Variants in TMEFF1 observed in about 807,000 individuals in gnomAD.
TMEFF1 encodes the protein tomoregulin-1.
A neutral mutation model predicts 47.5 loss-of-function variants in TMEFF1; 20 were observed. The observed-to-expected ratio is 0.42, with a 90% CI of 0.30 to 0.61. The LOEUF (loss-of-function observed/expected upper bound fraction) is 0.61, where lower values mean the gene tolerates loss of function less well. Among genes scored for constraint, TMEFF1 ranks in the 20% least tolerant of loss-of-function variants. The probability of loss-of-function intolerance (pLI) is 0.19; values close to 1 mark genes in which losing one functional copy is unlikely to be tolerated. For missense variants in TMEFF1, 411 were observed against 471.1 expected (o/e 0.87, Z 1.18); for synonymous variants, 162 against 166.3 (o/e 0.97, Z 0.20).
At chr9:100,550,071 T>C (rs776181872) in intron 6 of TMEFF1, 24 bp from the exon 7 acceptor site, 4 of 1,598,606 alleles carry the variant, frequency 2.5e-6, no homozygotes, top group Non-Finnish European at 3.4e-6. Flanking sequence ...TATATTTTAA[T>C]TTGAAAACCG....
At chr9:100,474,802 C>T (rs1032534504) in intron 1 of TMEFF1, among the ~76,000 whole-genome samples, 1 of 152,090 alleles carries the variant, frequency 6.6e-6, no homozygotes, top group Non-Finnish European at 1.5e-5. Flanking sequence ...GCTTGCCCCC[C>T]CACAGCTGTT....
At chr9:100,524,843 C>A (rs1489412451) in intron 5 of TMEFF1, among the ~76,000 whole-genome samples, 1 of 152,098 alleles carries the variant, frequency 6.6e-6, no homozygotes, top group Non-Finnish European at 1.5e-5. Flanking sequence ...CTGCACCCAT[C>A]AACTTGTCAT....
rs888313480 is a variant in TMEFF1 at position 100,539,834 on chromosome 9, G to A, written c.561-7910G>A. On this transcript the variant is annotated intron_variant, in intron 5 of 9. Coordinates refer to ENST00000374879, the MANE Select transcript of TMEFF1 (RefSeq NM_003692.5). ...CATTTTACAGAGAGCTGATTGGTCC[G>A]TTTTACAGGGGGCTGATTGGTCCAT... 6.6e-5 allele frequency among the ~76,000 whole-genome samples: 10 copies of A among 152,250 alleles called. No individual in the cohort carries two copies. The East Asian group carries it at 7.7e-4, about 12-fold the overall frequency.
intron 7 of TMEFF1, among the ~76,000 whole-genome samples, chr9:100,555,316 C>T (rs1838897524): frequency 6.6e-6 from 1 of 152,200 alleles, no homozygotes; most frequent in African/African-American, 2.4e-5. Context: ...TTACTGTGTG[C>T]AGGTGACATC....
At chr9:100,516,514 A>G (rs1036835738) in intron 4 of TMEFF1, among the ~76,000 whole-genome samples, 161 bp from the exon 5 acceptor site, 1 of 152,220 alleles carries the variant, frequency 6.6e-6, no homozygotes, top group Non-Finnish European at 1.5e-5. Context: ...AGTACTGGCA[A>G]CATTTTTGAA....
intron 9 of TMEFF1, 42 bp from the exon 10 acceptor site, chr9:100,576,474 T>C (rs1325040429): frequency 6.2e-7 from 1 of 1,600,216 alleles, no homozygotes; most frequent in Admixed American, 1.8e-5. Context: ...AACAAAATCA[T>C]CAAAACAATA....
chr9:100,505,681 A>C (rs140271991), intron 2 of TMEFF1, among the ~76,000 whole-genome samples: 155 of 152,260 alleles, frequency 1.0e-3, no homozygotes, highest in African/African-American at 3.4e-3. Flanking sequence ...CATCCTTGGA[A>C]TCTATCTGGT....
At chr9:100,550,570 T>G (rs1449061976) in intron 7 of TMEFF1, among the ~76,000 whole-genome samples, 3 of 152,236 alleles carry the variant, frequency 2.0e-5, no homozygotes, top group Non-Finnish European at 2.9e-5. Flanking sequence ...CTTCTTATCC[T>G]TTTAATCTTA....
rs72735133 is a variant in TMEFF1 at position 100,481,120 on chromosome 9, T to C, written c.196+7380T>C. On this transcript the variant is annotated intron_variant, in intron 1 of 9. Coordinates refer to ENST00000374879, the MANE Select transcript of TMEFF1 (RefSeq NM_003692.5). Reference sequence around the variant, plus strand: ...ATGTCACCTTCAGTGGTGCCTTAAATTACAGCCTTCTCCACCTTCCATCCA... The same window carrying C: ...ATGTCACCTTCAGTGGTGCCTTAAACTACAGCCTTCTCCACCTTCCATCCA... Among the ~76,000 whole-genome samples, 317 of 152,324 alleles carry C rather than the reference T, an allele frequency of 2.1e-3. 3 individuals are homozygous for C. The highest frequency in any genetic ancestry group is 3.7e-3 in the Non-Finnish European group (253 of 68,022).
At chr9:100,568,407 T>C (rs1356441944) in intron 8 of TMEFF1, among the ~76,000 whole-genome samples, 1 of 152,224 alleles carries the variant, frequency 6.6e-6, no homozygotes, top group Non-Finnish European at 1.5e-5. Flanking sequence ...TTACTGCAGC[T>C]GTGTTGTTGA....
intron 1 of TMEFF1, among the ~76,000 whole-genome samples, chr9:100,477,498 TA>T (rs1401603904): frequency 1.3e-5 from 2 of 152,128 alleles, no homozygotes; most frequent in African/African-American, 4.8e-5. Flanking sequence ...CCTGCCTTAA[TA>T]AAGAGCTGAT....
In TMEFF1 at chr9:100,572,688, T is replaced by G; in HGVS notation, c.1058+12T>G. 6.3e-7 allele frequency: 1 copy of G among 1,590,164 alleles called. No individual in the cohort carries two copies. Among genetic ancestry groups the G allele is most frequent in the Non-Finnish European group, 8.6e-7 (1 of 1,168,978 alleles). ...ATGTGCATAACAAGGTAGGTAATGA[T>G]GTAAGAAATATCAACTTTAAATTAG... On this transcript the variant is annotated intron_variant, in intron 9 of 9. Transcript: ENST00000374879.
chr9:100,531,320 T>C (rs969914566), intron 5 of TMEFF1, among the ~76,000 whole-genome samples: 28 of 152,202 alleles, frequency 1.8e-4, no homozygotes, highest in Non-Finnish European at 3.2e-4. Flanking sequence ...GACGACATGA[T>C]TGTATATCTA....
chr9:100,526,887 A>G (rs1339397429), intron 5 of TMEFF1, among the ~76,000 whole-genome samples: 3 of 146,514 alleles, frequency 2.0e-5, no homozygotes, highest in East Asian at 4.0e-4. Context: ...AGGTGGGCAG[A>G]TCACCTGAGA....
chr9:100,529,950 C>T (rs1030591148), intron 5 of TMEFF1, among the ~76,000 whole-genome samples: 11 of 152,104 alleles, frequency 7.2e-5, no homozygotes, highest in South Asian at 2.1e-4. Context: ...CACTCAAAAC[C>T]GATCAACTAC....
chr9:100,523,771 A>G (rs1040679397), intron 5 of TMEFF1, among the ~76,000 whole-genome samples: 2 of 152,208 alleles, frequency 1.3e-5, no homozygotes, highest in African/African-American at 4.8e-5. Flanking sequence ...TAATAATACC[A>G]TTCAGATGTG....
intron 8 of TMEFF1, among the ~76,000 whole-genome samples, chr9:100,567,098 G>T (rs545384577): frequency 6.6e-6 from 1 of 152,168 alleles, no homozygotes; most frequent in East Asian, 1.9e-4. Context: ...ATCTCACTAA[G>T]TGCAGAAGGC....
intron 5 of TMEFF1, among the ~76,000 whole-genome samples, chr9:100,538,885 T>C (rs1317423742): frequency 6.6e-6 from 1 of 152,190 alleles, no homozygotes; most frequent in East Asian, 1.9e-4. Context: ...CTTTCACATT[T>C]TCTGGTATAC....
intron 5 of TMEFF1, among the ~76,000 whole-genome samples, chr9:100,517,004 C>T (rs1838086609): frequency 6.6e-6 from 1 of 151,886 alleles, no homozygotes; most frequent in Non-Finnish European, 1.5e-5. Flanking sequence ...CTGGTTTTAT[C>T]TATGCTTTTC....
Sources: allele counts gnomAD v4.1 joint callset (sites outside exome capture counted in the v4.1 genomes callset), GRCh38; gene constraint gnomAD v4.1.1; transcripts MANE v1.5; gene names NCBI Gene and HGNC (gene_info 2026-07-23, HGNC 2026-07-21).